MYO15A: variants seen among roughly 807,000 people sequenced by gnomAD.
The protein encoded by MYO15A is myosin XVA, also known as unconventional myosin-XV.
Under a neutral mutation model 394.6 loss-of-function variants are expected in MYO15A, and 308 were observed. That is an observed-to-expected ratio of 0.78 (90% CI 0.71 to 0.86). The LOEUF (loss-of-function observed/expected upper bound fraction) is 0.86, where lower values mean the gene tolerates loss of function less well. Among genes scored for constraint, MYO15A ranks in the 40% least tolerant of loss-of-function variants. The probability of loss-of-function intolerance (pLI) is 0.00; values close to 1 mark genes in which losing one functional copy is unlikely to be tolerated. For synonymous variants in MYO15A, 1,957 were observed against 2,003.8 expected, an observed-to-expected ratio of 0.98 and a Z score of 0.62; for missense variants, 4,606 against 4,799.1, an observed-to-expected ratio of 0.96 and a Z score of 1.19.
Position 18,145,969 on chromosome 17 carries a change from G to A in MYO15A, c.6371G>A (p.Arg2124Gln), listed in dbSNP as rs368053088. ...AAGGGGCTGGCGGTGCCTGAGCTGCGGGATGAGATCCTGGCACAGCTGGCC... is the reference window on the plus strand; with the variant it reads ...AAGGGGCTGGCGGTGCCTGAGCTGCAGGATGAGATCCTGGCACAGCTGGCC... ...VQKGLAVPEL[R>Q]DEILAQLANQ... is the part of the protein sequence containing the mutation. Residue 2124 changes from arginine (R) to glutamine (Q), a missense_variant, in exon 30 of 66, where the codon CGG (arginine) becomes CAG (glutamine). This residue lies in a region of MYO15A where 2,776 missense variants were observed against 3,109.3 expected (regional missense o/e 0.89). Transcript: ENST00000647165. 45 of 1,613,586 alleles carry A rather than the reference G, an allele frequency of 2.8e-5. No homozygotes were observed. The highest frequency in any genetic ancestry group is 3.6e-5 in the Non-Finnish European group (42 of 1,180,008).
At position 18,114,241 on chromosome 17, in the gene MYO15A, C is replaced by CTTTTTTTTTTTT. The variant is rs10583154; in HGVS notation, c.-219-4326_-219-4315dup. On this transcript the variant is annotated intron_variant, in intron 1 of 65. Coordinates refer to ENST00000647165, the MANE Select transcript of MYO15A (RefSeq NM_016239.4). ...CACCTTGTGACCACCACAGTCCTGT[C>CTTTTTTTTTTTT]TTTTTTTTTTTTTTTTTTTTTTTTT... 2.9e-4 allele frequency among the ~76,000 whole-genome samples: 16 copies of CTTTTTTTTTTTT among 55,562 alleles called. 6 individuals are homozygous for CTTTTTTTTTTTT. Among genetic ancestry groups the CTTTTTTTTTTTT allele is most frequent in the Non-Finnish European group, 4.5e-4 (14 of 31,162 alleles). 36.5% of individuals were successfully genotyped at this position (55,562 alleles called of 152,430 possible).
chr17:18,149,964 A>AG, intron 35 of MYO15A: 2 of 313,908 alleles, frequency 6.4e-6, no homozygotes, highest in Non-Finnish European at 1.2e-5. Context: ...AAAAAAAAAA[A>AG]AAAAAAAGAA....
chr17:18,118,938 G>A lies in MYO15A; in HGVS notation c.138G>A (p.Lys46=), dbSNP rs755813626. 1 of 1,613,706 alleles carries A rather than the reference G, an allele frequency of 6.2e-7. No homozygotes were observed. The highest frequency in any genetic ancestry group is 1.1e-5 in the South Asian group (1 of 91,084). The change falls in exon 2 of 66, where the codon AAG becomes AAA. Residue 46 remains lysine (K), a synonymous_variant. Coordinates refer to ENST00000647165, the MANE Select transcript of MYO15A (RefSeq NM_016239.4). The part of the protein sequence containing the change: ...LFMGFRDRTP[K]ISKKGQFRSA... The stretch of plus-strand genomic sequence containing the variant: ...TGGGCTTCCGCGACCGTACACCCAA[G>A]ATCTCCAAGAAGGGCCAGTTCCGCA...
rs1218310065 is a variant in MYO15A at position 18,157,711 on chromosome 17, C to T, written c.8789-11C>T. ...CCTCCTGTTTGCCTCAGACCTTTTA[C>T]CCACCCCTAGGCTGGAGGTTCGGGA... On this transcript the variant is annotated splice_polypyrimidine_tract_variant and intron_variant, in intron 50 of 65. Coordinates refer to ENST00000647165, the MANE Select transcript of MYO15A (RefSeq NM_016239.4). 1 of 1,604,942 alleles carries T rather than the reference C, an allele frequency of 6.2e-7. No homozygotes were observed. The highest frequency in any genetic ancestry group is 8.5e-7 in the Non-Finnish European group (1 of 1,179,852).
chr17:18,155,209 G>A lies in MYO15A; in HGVS notation c.8324G>A (p.Arg2775His), dbSNP rs773476384. The A allele has an allele frequency of 1.1e-5, 18 of 1,613,816 alleles. No individual in the cohort carries two copies. Among genetic ancestry groups the A allele is most frequent in the East Asian group, 2.2e-5 (1 of 44,874 alleles). Reference protein sequence around the residue: ...ARDTWEVYFSRIFPATGSVGT... With the variant: ...ARDTWEVYFSHIFPATGSVGT... ...GACACCTGGGAGGTCTACTTCTCCC[G>A]CATCTTCCCCGCCACGGTGCGAGCC... Residue 2775 changes from arginine (R) to histidine (H), a missense_variant, in exon 46 of 66, where the codon CGC (arginine) becomes CAC (histidine). Coordinates refer to ENST00000647165, the MANE Select transcript of MYO15A (RefSeq NM_016239.4).
chr17:18,151,612 G>A, intron 40 of MYO15A, 85 bp downstream of exon 40: 1 of 1,556,414 alleles, frequency 6.4e-7, no homozygotes, highest in African/African-American at 1.4e-5. Context: ...CTGGGTTGAA[G>A]CGCCCTGCCC....
In MYO15A at chr17:18,178,935, T is replaced by C; in HGVS notation, c.*65T>C. On this transcript the variant is annotated 3_prime_UTR_variant, in exon 66 of 66. Coordinates refer to ENST00000647165, the MANE Select transcript of MYO15A (RefSeq NM_016239.4). ...CACTGTGTGGCCTCAGAGAAATCAC[T>C]GAACCTCTCAGGATCAATGACCCCT... 6.6e-7 allele frequency: 1 copy of C among 1,516,680 alleles called. No individual in the cohort carries two copies. The highest frequency in any genetic ancestry group is 9.0e-7 in the Non-Finnish European group (1 of 1,106,120). 94.0% of individuals were successfully genotyped at this position (1,516,680 alleles called of 1,614,324 possible).
rs1045510624 is a variant in MYO15A, at chr17:18,148,178, C to T, written c.6659C>T (p.Ala2220Val). 2 of 1,613,822 alleles carry T rather than the reference C, an allele frequency of 1.2e-6. No homozygotes were observed. Among genetic ancestry groups the T allele is most frequent in the African/African-American group, 1.3e-5 (1 of 75,076 alleles). The change falls in exon 31 of 66, where the codon GCC (alanine) becomes GTC (valine). Residue 2220 changes from alanine to valine, a missense_variant. Physicochemically the swap from Ala to Val is moderately conservative, Grantham distance 64 (BLOSUM62 0). This residue lies in a region of MYO15A where 2,776 missense variants were observed against 3,109.3 expected (regional missense o/e 0.89). Coordinates refer to ENST00000647165, the MANE Select transcript of MYO15A (RefSeq NM_016239.4). The surrounding 1 kb of genome is among the most constrained non-coding windows in gnomAD (Gnocchi z 4.8). ...GAGTGGACAGCGACCTATGAGAAGGCCAGCATGGCGCTGGACGTGGGCTGC... is the reference window on the plus strand; with the variant it reads ...GAGTGGACAGCGACCTATGAGAAGGTCAGCATGGCGCTGGACGTGGGCTGC... ...QLEWTATYEK[A>V]SMALDVGCFN...
rs2046503337 is a variant in MYO15A, at chr17:18,147,536, C to T, written c.6510-493C>T. Among the ~76,000 whole-genome samples the T allele has an allele frequency of 6.6e-6, 1 of 152,216 alleles. No individual in the cohort carries two copies. The highest frequency in any genetic ancestry group is 2.1e-4 in the South Asian group (1 of 4,824). On this transcript the variant is annotated intron_variant, in intron 30 of 65. Transcript: ENST00000647165. The surrounding 1 kb of genome is among the most constrained non-coding windows in gnomAD (Gnocchi z 4.4). ...TTGGGCCTGGGTTGAGTTGAACCCT[C>T]AGCTGTCCCTTTTATAGGTGAAAAC...
intron 19 of MYO15A, among the ~76,000 whole-genome samples, chr17:18,139,993 C>T (rs2046349969): frequency 6.6e-6 from 1 of 152,240 alleles, no homozygotes; most frequent in South Asian, 2.1e-4. Flanking sequence ...CCAGTCCCAC[C>T]TCCTGGTGTT....
In MYO15A at chr17:18,157,896, G is replaced by A; in HGVS notation, c.8963G>A (p.Arg2988Lys). Residue 2988 changes from arginine to lysine, a missense_variant, in exon 51 of 66, where the codon AGA becomes AAA. Transcript: ENST00000647165. ...GCTGCACAGGAGGTGGGCCGCAGGAGAGAGGTGAGACCAGTGTGGGTGGGG... is the reference window on the plus strand; with the variant it reads ...GCTGCACAGGAGGTGGGCCGCAGGAAAGAGGTGAGACCAGTGTGGGTGGGG... ...AAAAQEVGRR[R>K]EGPPVRARSA... 1 of 1,256,084 alleles carries A rather than the reference G, an allele frequency of 8.0e-7. No individual in the cohort carries two copies. Among genetic ancestry groups the A allele is most frequent in the Non-Finnish European group, 1.0e-6 (1 of 960,154 alleles). 77.8% of individuals were successfully genotyped at this position (1,256,084 alleles called of 1,614,324 possible). A position where few individuals can be genotyped will look rare whatever the true frequency, so the allele number is the denominator to read the frequency against.
chr17:18,169,157 T>TA (rs1555548316), intron 62 of MYO15A, among the ~76,000 whole-genome samples: 2 of 92,152 alleles, frequency 2.2e-5, no homozygotes, highest in Non-Finnish European at 4.8e-5. Context: ...ATAATAATAA[T>TA]AAAAATAGGC....
intron 18 of MYO15A, chr17:18,139,156 G>A: frequency 1.5e-6 from 1 of 677,504 alleles, no homozygotes; most frequent in South Asian, 1.8e-5. Flanking sequence ...CATGGGGCAG[G>A]TGTGAAAAAT....
Position 18,132,399 on chromosome 17 carries a change from G to C in MYO15A, c.4207-54G>C. The C allele has an allele frequency of 7.0e-7, 1 of 1,431,996 alleles. No homozygotes were observed. The allele number at this position is 1,431,996 out of a possible 1,614,324, so 88.7% of individuals were successfully genotyped here. On this transcript the variant is annotated intron_variant, in intron 10 of 65. Coordinates refer to ENST00000647165, the MANE Select transcript of MYO15A (RefSeq NM_016239.4). This position sits in a 1 kb window ranked among gnomAD's most constrained non-coding sequence, Gnocchi z 4.6. Reference sequence around the variant, plus strand: ...AGGCTTGGGCTTGTATGTGTGCCTGGGGGTCACCTAGGTAGGTGGCTCCCT... The same window carrying C: ...AGGCTTGGGCTTGTATGTGTGCCTGCGGGTCACCTAGGTAGGTGGCTCCCT...
chr17:18,151,938 C>G lies in MYO15A; in HGVS notation c.7880C>G (p.Ala2627Gly). The G allele has an allele frequency of 6.4e-7, 1 of 1,561,386 alleles. No homozygotes were observed. Among genetic ancestry groups the G allele is most frequent in the Non-Finnish European group, 8.7e-7 (1 of 1,151,908 alleles). ...GGGCAGATGACCCACCTGGCAGCTG[C>G]ACCTGGCACCCAGGTGAGGGGGGAA... ...LKGQMTHLAA[A>G]PGTQVSREAV... is the part of the protein sequence containing the mutation. The change falls in exon 41 of 66, where the codon GCA becomes GGA. Residue 2627 changes from alanine to glycine, a missense_variant. By Grantham distance (60) the Ala-to-Gly change is moderately conservative. This residue lies in a region of MYO15A where 2,776 missense variants were observed against 3,109.3 expected (regional missense o/e 0.89). Transcript: ENST00000647165.
chr17:18,134,196 G>A (rs1008217911), intron 12 of MYO15A, among the ~76,000 whole-genome samples: 5 of 151,382 alleles, frequency 3.3e-5, no homozygotes, highest in African/African-American at 1.2e-4. Context: ...CATCATGTTG[G>A]CCAGGATGGT....
chr17:18,164,101 G>T (rs1255005784), intron 60 of MYO15A: 3 of 527,014 alleles, frequency 5.7e-6, no homozygotes, highest in African/African-American at 3.8e-5. Context: ...CATGCTCAAT[G>T]TGAGGACACA....
intron 44 of MYO15A, 133 bp from the exon 45 acceptor site, chr17:18,154,547 A>AGT: frequency 1.1e-6 from 1 of 892,526 alleles, no homozygotes; most frequent in Non-Finnish European, 1.8e-6. Flanking sequence ...TACACAGATG[A>AGT]CCCAGCTTAC....
At chr17:18,113,103 C>A (rs2045741986) in intron 1 of MYO15A, among the ~76,000 whole-genome samples, 1 of 152,052 alleles carries the variant, frequency 6.6e-6, no homozygotes, top group South Asian at 2.1e-4. Flanking sequence ...CCTACCTTGG[C>A]CTCTCAAAGT....
Sources: gnomAD v4.1 joint callset for allele counts (sites outside exome capture counted in the v4.1 genomes callset) on GRCh38, gnomAD v4.1.1 for gene constraint, gnomAD v4.1.1 regional missense constraint, Gnocchi (gnomAD v3.1) non-coding constraint, MANE v1.5 for transcripts, NCBI Gene and HGNC (gene_info 2026-07-23, HGNC 2026-07-21) for gene names.